Variants in L3MBTL4 observed in about 807,000 individuals in gnomAD.
L3MBTL4 encodes lethal(3)malignant brain tumor-like protein 4.
Under a neutral mutation model 84.5 loss-of-function variants are expected in L3MBTL4, and 70 were observed. The ratio of observed to expected loss-of-function variants is 0.83; its 90% CI spans 0.68 to 1.01. L3MBTL4 has a LOEUF of 1.01. Ranked by LOEUF, L3MBTL4 falls within the 50% of genes least tolerant of loss-of-function variation. The pLI is 0.00. For synonymous variants in L3MBTL4, 274 were observed against 259.8 expected, an observed-to-expected ratio of 1.05 and a Z score of -0.52; for missense variants, 715 against 754.8, an observed-to-expected ratio of 0.95 and a Z score of 0.62.
chr18:6,285,807 A>ATT (rs1283943930), intron 4 of L3MBTL4, among the ~76,000 whole-genome samples: 2 of 126,716 alleles, frequency 1.6e-5, no homozygotes, highest in South Asian at 2.6e-4. Context: ...TTTTTAAAAG[A>ATT]TATATTATTA....
At chr18:6,353,231 T>G (rs988901107) in intron 1 of L3MBTL4, among the ~76,000 whole-genome samples, 3 of 151,828 alleles carry the variant, frequency 2.0e-5, no homozygotes, top group African/African-American at 7.3e-5. Flanking sequence ...GTTCATACAG[T>G]TCATGAGGTA....
At chr18:6,384,489 C>A (rs541624245) in intron 1 of L3MBTL4, among the ~76,000 whole-genome samples, 1 of 152,038 alleles carries the variant, frequency 6.6e-6, no homozygotes, top group Non-Finnish European at 1.5e-5. Flanking sequence ...AATTGTATAC[C>A]CTGTGCATGT....
intron 12 of L3MBTL4, among the ~76,000 whole-genome samples, chr18:6,185,700 T>G (rs2145421262): frequency 6.6e-6 from 1 of 152,248 alleles, no homozygotes; most frequent in Admixed American, 6.5e-5. Flanking sequence ...CTGAGGAATT[T>G]TATTTAAAAA....
chr18:6,112,331 C>T (rs1252762566), intron 14 of L3MBTL4, among the ~76,000 whole-genome samples: 1 of 152,194 alleles, frequency 6.6e-6, no homozygotes, highest in East Asian at 1.9e-4. Flanking sequence ...CATCTTTTCT[C>T]CATAGTTAGT....
chr18:6,294,004 G>A (rs146580180), intron 4 of L3MBTL4, among the ~76,000 whole-genome samples: 61 of 152,286 alleles, frequency 4.0e-4, no homozygotes, highest in African/African-American at 1.4e-3. Flanking sequence ...TTGAAATGAG[G>A]CTTGAAGCTT....
chr18:5,961,164 C>T (rs900938828), intron 17 of L3MBTL4, among the ~76,000 whole-genome samples: 13 of 152,226 alleles, frequency 8.5e-5, no homozygotes, highest in Non-Finnish European at 1.5e-4. Context: ...TGGCCCTTCT[C>T]CTCTCCCTGG....
intron 14 of L3MBTL4, among the ~76,000 whole-genome samples, chr18:6,131,021 C>T (rs1010164527): frequency 8.5e-5 from 13 of 152,126 alleles, no homozygotes; most frequent in African/African-American, 3.1e-4. Flanking sequence ...ACCCAGGGTC[C>T]ACCTCACCTA....
chr18:6,339,388 A>G (rs1187509858), intron 1 of L3MBTL4, among the ~76,000 whole-genome samples: 1 of 152,208 alleles, frequency 6.6e-6, no homozygotes, highest in Non-Finnish European at 1.5e-5. Context: ...AATGCTTCTA[A>G]TATCAAAATA....
intron 12 of L3MBTL4, among the ~76,000 whole-genome samples, chr18:6,184,096 C>T (rs1029466897): frequency 3.3e-5 from 5 of 152,112 alleles, no homozygotes; most frequent in African/African-American, 1.2e-4. Context: ...CAGAGATGTA[C>T]TTACAAAATG....
At chr18:5,988,792 CA>C (rs2053568820) in intron 16 of L3MBTL4, among the ~76,000 whole-genome samples, 1 of 152,068 alleles carries the variant, frequency 6.6e-6, no homozygotes, top group African/African-American at 2.4e-5. Flanking sequence ...ATGCCCATAC[CA>C]ATTAAAAGAG....
At chr18:6,401,605 A>G (rs2144653686) in intron 1 of L3MBTL4, among the ~76,000 whole-genome samples, 1 of 152,334 alleles carries the variant, frequency 6.6e-6, no homozygotes, top group African/African-American at 2.4e-5. Flanking sequence ...TTACAGCCAA[A>G]CTATATATGG....
chr18:6,258,268 G>A (rs1462483294), intron 5 of L3MBTL4, among the ~76,000 whole-genome samples: 1 of 152,222 alleles, frequency 6.6e-6, no homozygotes, highest in Non-Finnish European at 1.5e-5. Flanking sequence ...AACACAGAAG[G>A]ACGGCCAGAC....
At chr18:6,387,893 C>T (rs1310010803) in intron 1 of L3MBTL4, among the ~76,000 whole-genome samples, 1 of 152,124 alleles carries the variant, frequency 6.6e-6, no homozygotes, top group Admixed American at 6.5e-5. Context: ...ATAGTTTTCA[C>T]CTTTCCCATG....
intron 16 of L3MBTL4, among the ~76,000 whole-genome samples, chr18:6,078,072 G>T (rs1419169138): frequency 7.0e-6 from 1 of 143,172 alleles, no homozygotes; most frequent in Non-Finnish European, 1.5e-5. Context: ...AAAGACTCCT[G>T]ATGAATGAAG....
At chr18:6,229,371 A>G (rs2046903302) in intron 10 of L3MBTL4, among the ~76,000 whole-genome samples, 1 of 152,160 alleles carries the variant, frequency 6.6e-6, no homozygotes, top group South Asian at 2.1e-4. Flanking sequence ...TACCCTGGAT[A>G]TTAATCCCTT....
At chr18:6,275,877 C>A (rs933855104) in intron 4 of L3MBTL4, among the ~76,000 whole-genome samples, 1 of 152,150 alleles carries the variant, frequency 6.6e-6, no homozygotes, top group Admixed American at 6.5e-5. Flanking sequence ...AATCACTAAG[C>A]CAAAGGGAAA....
chr18:6,379,843 G>T (rs773456281), intron 1 of L3MBTL4, among the ~76,000 whole-genome samples: 2 of 152,150 alleles, frequency 1.3e-5, no homozygotes, highest in African/African-American at 2.4e-5. Context: ...AAATGAGTTA[G>T]GGAGGATTCT....
intron 16 of L3MBTL4, among the ~76,000 whole-genome samples, chr18:5,985,245 A>G (rs959421693): frequency 2.0e-5 from 3 of 152,262 alleles, no homozygotes; most frequent in Non-Finnish European, 4.4e-5. Flanking sequence ...CTAGGGAATC[A>G]GTGGGAAACC....
intron 13 of L3MBTL4, among the ~76,000 whole-genome samples, chr18:6,148,383 T>A (rs779238413): frequency 2.0e-5 from 3 of 152,346 alleles, no homozygotes; most frequent in African/African-American, 7.2e-5. Flanking sequence ...ACAGAAGGGA[T>A]AAAATTGTGA....
Sources: allele counts gnomAD v4.1 joint callset (sites outside exome capture counted in the v4.1 genomes callset), GRCh38; gene constraint gnomAD v4.1.1; transcripts MANE v1.5; gene names NCBI Gene and HGNC (gene_info 2026-07-23, HGNC 2026-07-21).